Variants in CAPN2 observed in about 807,000 individuals in gnomAD.
CAPN2 encodes the protein calpain 2, also known as calpain-2 catalytic subunit.
CAPN2 carries 92 observed loss-of-function variants against 102.3 expected under a neutral mutation model. The ratio of observed to expected loss-of-function variants is 0.90; its 90% CI spans 0.76 to 1.07. CAPN2 has a LOEUF of 1.07. CAPN2 is among the 50% of genes least tolerant of loss of function. The pLI is 0.00. For missense variants in CAPN2, 800 were observed against 909.4 expected (o/e 0.88, Z 1.55); for synonymous variants, 340 against 355.4 (o/e 0.96, Z 0.49).
chr1:223,747,320 G>A (rs750850382), intron 5 of CAPN2, among the ~76,000 whole-genome samples, 155 bp downstream of exon 5: 1 of 152,154 alleles, frequency 6.6e-6, no homozygotes, highest in South Asian at 2.1e-4. Context: ...ACCCTCTGAA[G>A]GTCCGCTGAA....
chr1:223,736,159 C>T (rs968905247), intron 2 of CAPN2, among the ~76,000 whole-genome samples: 1 of 152,304 alleles, frequency 6.6e-6, no homozygotes, highest in Middle Eastern at 3.4e-3. Context: ...GCAGGGACCC[C>T]GCCTCTGGGA....
At position 223,759,343 on chromosome 1, in the gene CAPN2, CCTT is replaced by C; in HGVS notation, c.1393_1395del (p.Phe465del). 3 of 1,614,238 alleles carry C rather than the reference CCTT, an allele frequency of 1.9e-6. No individual in the cohort carries two copies. The highest frequency in any genetic ancestry group is 2.5e-6 in the Non-Finnish European group (3 of 1,180,038). ...AATCGCGCCAGGGAGCGCTCAGACA[CCTT>C]CATCAACCTCCGGGAGGTGCTCAAC... On this transcript the variant is annotated inframe_deletion, in exon 12 of 21. Transcript: ENST00000295006. This position sits in a 1 kb window ranked among gnomAD's most constrained non-coding sequence, Gnocchi z 4.6.
intron 7 of CAPN2, among the ~76,000 whole-genome samples, chr1:223,751,629 G>T (rs550539300): frequency 1.1e-4 from 17 of 152,204 alleles, no homozygotes; most frequent in Admixed American, 1.0e-3. Flanking sequence ...TCAGCCGGAG[G>T]CTCCTCATCA....
chr1:223,771,725 C>T (rs1661474977), intron 18 of CAPN2, 84 bp from the exon 19 acceptor site: 3 of 858,674 alleles, frequency 3.5e-6, no homozygotes, highest in South Asian at 1.4e-5. Context: ...TTTAAATCAC[C>T]ACATTAGTTT....
intron 2 of CAPN2, among the ~76,000 whole-genome samples, chr1:223,737,307 A>C (rs371598647): frequency 1.7e-4 from 26 of 152,306 alleles, no homozygotes; most frequent in African/African-American, 5.8e-4. Flanking sequence ...GCCTGGATAT[A>C]GGGATGGCCG....
rs549241981 is a variant in CAPN2 at position 223,727,578 on chromosome 1, G to A, written c.307+9747G>A. Among the ~76,000 whole-genome samples the A allele has an allele frequency of 1.2e-4, 18 of 152,218 alleles. No individual in the cohort carries two copies. The highest frequency in any genetic ancestry group is 2.1e-4 in the Non-Finnish European group (14 of 68,036). On this transcript the variant is annotated intron_variant, in intron 2 of 20. Transcript: ENST00000295006. The surrounding 1 kb of genome is among the most constrained non-coding windows in gnomAD (Gnocchi z 4.1). ...GGAGCCTGGTGCAAGGGAGTGGCCG[G>A]ATGGGAGGTAGGAATAGCAGTGGTA...
chr1:223,724,035 T>A (rs1660127858), intron 2 of CAPN2, among the ~76,000 whole-genome samples: 1 of 151,826 alleles, frequency 6.6e-6, no homozygotes, highest in South Asian at 2.1e-4. Flanking sequence ...CACGCCCCTA[T>A]ACGGCCATAG....
intron 9 of CAPN2, among the ~76,000 whole-genome samples, chr1:223,753,731 GCAGTCAAAACA>G (rs1280192389): frequency 1.3e-5 from 2 of 152,196 alleles, no homozygotes; most frequent in African/African-American, 4.8e-5. Context: ...GTGACAGGTC[GCAGTCAAAACA>G]CAGTCAAAAC....
At chr1:223,735,372 A>G (rs1007880697) in intron 2 of CAPN2, among the ~76,000 whole-genome samples, 11 of 152,034 alleles carry the variant, frequency 7.2e-5, no homozygotes, top group Non-Finnish European at 1.6e-4. Context: ...TACTAAAAAT[A>G]CAAAAATTAG....
At chr1:223,734,859 C>A (rs564774102) in intron 2 of CAPN2, among the ~76,000 whole-genome samples, 2 of 152,210 alleles carry the variant, frequency 1.3e-5, no homozygotes, top group East Asian at 3.9e-4. Context: ...TATTATTAAA[C>A]CTATGTTATA....
intron 1 of CAPN2, among the ~76,000 whole-genome samples, chr1:223,704,551 C>G (rs1283897050): frequency 6.6e-6 from 1 of 152,202 alleles, no homozygotes; most frequent in Non-Finnish European, 1.5e-5. Flanking sequence ...GACCAAGACA[C>G]TTGTCTCAGA....
chr1:223,726,970 G>A lies in CAPN2; in HGVS notation c.307+9139G>A, dbSNP rs28370036. On this transcript the variant is annotated intron_variant, in intron 2 of 20. Coordinates refer to ENST00000295006, the MANE Select transcript of CAPN2 (RefSeq NM_001748.5). This position sits in a 1 kb window ranked among gnomAD's most constrained non-coding sequence, Gnocchi z 4.4. Reference sequence around the variant, plus strand: ...AAGCCCCTCCCTGCCAGTTTCAGAGGGATGGCCCTGAATTGGCTTTTCAGA... The same window carrying A: ...AAGCCCCTCCCTGCCAGTTTCAGAGAGATGGCCCTGAATTGGCTTTTCAGA... Among the ~76,000 whole-genome samples, 2,683 of 152,254 alleles carry A rather than the reference G, an allele frequency of 0.018. 70 individuals carry two copies. Among genetic ancestry groups the A allele is most frequent in the African/African-American group, 0.061 (2,525 of 41,532 alleles).
At chr1:223,773,381 A>T (rs1051647655) in intron 20 of CAPN2, 1 of 152,220 alleles carries the variant, frequency 6.6e-6, no homozygotes, top group African/African-American at 2.4e-5. Flanking sequence ...ACATGGTGAA[A>T]CCGCGTCTCT....
chr1:223,720,010 C>A (rs1660008574), intron 2 of CAPN2, among the ~76,000 whole-genome samples: 1 of 152,274 alleles, frequency 6.6e-6, no homozygotes. Flanking sequence ...AACAGCCTCA[C>A]AAGCACCAGG....
chr1:223,742,270 TA>T lies in CAPN2; in HGVS notation c.308-1828del, dbSNP rs1267635905. 7.9e-5 allele frequency among the ~76,000 whole-genome samples: 12 copies of T among 151,980 alleles called. No homozygotes were observed. In the East Asian group the frequency reaches 2.3e-3, roughly 30 times the overall value. On this transcript the variant is annotated intron_variant, in intron 2 of 20. Transcript: ENST00000295006. ...AGCCAAGCATGGTGGCAGGTGCCTA[TA>T]ATCCCATCTACTTGGGAGGCTGAGG...
rs577962494 is a variant in CAPN2 at position 223,757,245 on chromosome 1, G to C, written c.1306-124G>C. ...TGAGTTCCTTGGAAAACAGTTACTC[G>C]GTTGAATTAGTTGATATTGCTAATG... On this transcript the variant is annotated intron_variant, in intron 10 of 20. Coordinates refer to ENST00000295006, the MANE Select transcript of CAPN2 (RefSeq NM_001748.5). The C allele has an allele frequency of 2.1e-5, 22 of 1,052,116 alleles. No individual in the cohort carries two copies. In the East Asian group the frequency reaches 5.0e-4, roughly 24 times the overall value. 65.2% of individuals were successfully genotyped at this position (1,052,116 alleles called of 1,614,324 possible).
At chr1:223,715,188 C>T (rs569571662) in intron 1 of CAPN2, among the ~76,000 whole-genome samples, 37 of 152,218 alleles carry the variant, frequency 2.4e-4, no homozygotes, top group African/African-American at 8.2e-4. Flanking sequence ...TGAACACTAG[C>T]AAGTCATTGG....
rs1299497036 is a variant in CAPN2 at position 223,759,032 on chromosome 1, G to A, written c.1318-238G>A. The A allele has an allele frequency of 3.7e-6, 2 of 546,328 alleles. No homozygotes were observed. The highest frequency in any genetic ancestry group is 1.9e-5 in the African/African-American group (1 of 52,668). 33.8% of individuals were successfully genotyped at this position (546,328 alleles called of 1,614,324 possible). ...CTAAAATGACCCAGGCATTGTCACT[G>A]TACTGCTATTTTTTTAAAAAAATTT... On this transcript the variant is annotated intron_variant, in intron 11 of 20. Coordinates refer to ENST00000295006, the MANE Select transcript of CAPN2 (RefSeq NM_001748.5). The surrounding 1 kb of genome is among the most constrained non-coding windows in gnomAD (Gnocchi z 4.6).
chr1:223,728,722 G>T (rs1660259804), intron 2 of CAPN2, among the ~76,000 whole-genome samples: 1 of 152,180 alleles, frequency 6.6e-6, no homozygotes. Context: ...GGTTTGCGGG[G>T]TGGGGAGGAT....
Sources: allele counts gnomAD v4.1 joint callset (sites outside exome capture counted in the v4.1 genomes callset), GRCh38; gene constraint gnomAD v4.1.1; non-coding constraint Gnocchi (gnomAD v3.1); transcripts MANE v1.5; gene names NCBI Gene and HGNC (gene_info 2026-07-23, HGNC 2026-07-21).